The following WFDC8 variants were observed in gnomAD, a reference collection of about 807,000 sequenced individuals.
The protein encoded by WFDC8 is WAP four-disulfide core domain protein 8.
WFDC8 carries 24 observed loss-of-function variants against 27.0 expected under a neutral mutation model. The observed-to-expected ratio is 0.89, with a 90% CI of 0.64 to 1.25. The LOEUF (loss-of-function observed/expected upper bound fraction) is 1.25. Ranked by LOEUF, WFDC8 falls within the 50% of genes most tolerant of loss-of-function variation. The pLI, the probability that WFDC8 is intolerant of heterozygous loss-of-function variation, is 0.00. For synonymous variants in WFDC8, 106 were observed against 99.7 expected (o/e 1.06, Z -0.38); for missense variants, 287 against 295.9 (o/e 0.97, Z 0.22).
chr20:45,561,697 C>T (rs920649016), intron 2 of WFDC8, among the ~76,000 whole-genome samples: 2 of 151,924 alleles, frequency 1.3e-5, no homozygotes, highest in South Asian at 2.1e-4. Flanking sequence ...TCCCCTCAGG[C>T]TCATGCCTAG....
chr20:45,563,705 C>T (rs1210310895), intron 1 of WFDC8, among the ~76,000 whole-genome samples: 1 of 152,194 alleles, frequency 6.6e-6, no homozygotes, highest in Non-Finnish European at 1.5e-5. Flanking sequence ...TAAATCATTC[C>T]TTTAGTTCCC....
intron 1 of WFDC8, among the ~76,000 whole-genome samples, chr20:45,565,842 T>G (rs961797613): frequency 6.6e-6 from 1 of 152,146 alleles, no homozygotes; most frequent in Non-Finnish European, 1.5e-5. Context: ...GAGAAATGAG[T>G]TTGACTGATT....
rs73288293 is a variant in WFDC8, at chr20:45,558,729, G to A, written c.277+123C>T. ...GACTTGTACTTGAGGGTTAGGCATT[G>A]AATAACAGAATGAGAAGAGCACAGG... On this transcript the variant is annotated intron_variant, in intron 3 of 5. Transcript: ENST00000289953. 6,846 of 1,231,028 alleles carry A rather than the reference G, an allele frequency of 5.6e-3. 311 individuals are homozygous for A. In the African/African-American group the frequency reaches 0.092, roughly 17 times the overall value. The allele number at this position is 1,231,028 out of a possible 1,614,324, so 76.3% of individuals were successfully genotyped here.
Position 45,553,219 on chromosome 20 carries a change from G to C in WFDC8, c.503C>G (p.Ser168Ter). Residue 168 changes from serine to a stop codon, truncating the protein, a stop_gained, in exon 5 of 6, where the codon TCA becomes TGA. Coordinates refer to ENST00000289953, the MANE Select transcript of WFDC8 (RefSeq NM_130896.3). LOFTEE classifies it high-confidence loss of function. ...GGGACAATCGATGTCACTGTGACATGAAGGTGGACACTCCTTACGTTCAGT... is the reference window on the plus strand; with the variant it reads ...GGGACAATCGATGTCACTGTGACATCAAGGTGGACACTCCTTACGTTCAGT... ...PFTERKECPPSCHSDIDCPQT... is the reference protein window; with the variant it reads ...PFTERKECPP 1 of 1,613,900 alleles carries C rather than the reference G, an allele frequency of 6.2e-7. No individual in the cohort carries two copies. Among genetic ancestry groups the C allele is most frequent in the Non-Finnish European group, 8.5e-7 (1 of 1,179,806 alleles).
chr20:45,563,190 C>A (rs947541477), intron 1 of WFDC8, among the ~76,000 whole-genome samples: 1 of 152,160 alleles, frequency 6.6e-6, no homozygotes, highest in Non-Finnish European at 1.5e-5. Flanking sequence ...AGTGCCTATA[C>A]TCTCTGGTCA....
chr20:45,574,051 A>T (rs1471349841), intron 1 of WFDC8, among the ~76,000 whole-genome samples: 1 of 152,218 alleles, frequency 6.6e-6, no homozygotes, highest in Non-Finnish European at 1.5e-5. Flanking sequence ...TTCTATAAGA[A>T]ATGCAACTGG....
chr20:45,561,758 G>C (rs1485477373), intron 2 of WFDC8, among the ~76,000 whole-genome samples: 46 of 151,824 alleles, frequency 3.0e-4, no homozygotes, highest in Non-Finnish European at 5.0e-4. Flanking sequence ...GTGTGTGTGT[G>C]TGTGTGTGTG....
At chr20:45,566,595 T>C (rs1006932035) in intron 1 of WFDC8, among the ~76,000 whole-genome samples, 9 of 151,978 alleles carry the variant, frequency 5.9e-5, no homozygotes, top group African/African-American at 1.7e-4. Context: ...CTTGGGAGGC[T>C]GAGGTTGCAG....
At position 45,564,948 on chromosome 20, in the gene WFDC8, A is replaced by AGAAGGAAG. The variant is rs199524356; in HGVS notation, c.27-2737_27-2730dup. Among the ~76,000 whole-genome samples the AGAAGGAAG allele has an allele frequency of 2.9e-3, 418 of 143,766 alleles. 5 individuals are homozygous for AGAAGGAAG. In the East Asian group the frequency reaches 0.04, roughly 14 times the overall value. The allele number at this position is 143,766 out of a possible 152,430, so 94.3% of individuals were successfully genotyped here. A position where few individuals can be genotyped will look rare whatever the true frequency, so the allele number is the denominator to read the frequency against. On this transcript the variant is annotated intron_variant, in intron 1 of 5. Transcript: ENST00000289953. ...AGAGTGAAAGAAAGGAAAGAAAGAA[A>AGAAGGAAG]GAAGGAAGGAAGGAAGGAAAGAAAG... is the stretch of plus-strand genomic sequence containing the variant.
intron 1 of WFDC8, among the ~76,000 whole-genome samples, chr20:45,574,112 A>G (rs1168964751): frequency 1.3e-5 from 2 of 152,230 alleles, no homozygotes; most frequent in African/African-American, 4.8e-5. Context: ...AATAACCTGG[A>G]AGAAATTGAG....
chr20:45,574,058 C>T (rs6032339), intron 1 of WFDC8, among the ~76,000 whole-genome samples: 58,771 of 151,900 alleles, frequency 0.39, 11,841 homozygotes, highest in Non-Finnish European at 0.43. Context: ...AGAAATGCAA[C>T]TGGAATTTTG....
intron 4 of WFDC8, 59 bp from the exon 5 acceptor site, chr20:45,553,335 A>G: frequency 6.4e-7 from 1 of 1,564,164 alleles, no homozygotes; most frequent in South Asian, 1.2e-5. Context: ...CCACCCTTCA[A>G]AGAGCCTTTC....
chr20:45,555,904 A>G (rs1335763894), intron 3 of WFDC8, 36 bp from the exon 4 acceptor site: 1 of 1,599,374 alleles, frequency 6.3e-7, no homozygotes, highest in African/African-American at 1.3e-5. Flanking sequence ...GGATATGAAG[A>G]GTAGAGATAA....
At chr20:45,577,476 G>C (rs1981084091) in intron 1 of WFDC8, among the ~76,000 whole-genome samples, 1 of 149,658 alleles carries the variant, frequency 6.7e-6, no homozygotes, top group Admixed American at 6.6e-5. Context: ...TCGGCTCGCT[G>C]CAACCTCCGC....
chr20:45,560,035 G>T (rs1156725733), intron 2 of WFDC8, among the ~76,000 whole-genome samples: 1 of 152,160 alleles, frequency 6.6e-6, no homozygotes, highest in African/African-American at 2.4e-5. Flanking sequence ...AAAGACCCAA[G>T]TTAGTTGACT....
rs118187173 is a variant in WFDC8 at position 45,553,258 on chromosome 20, G to A, written c.464C>T (p.Pro155Leu). The A allele has an allele frequency of 1.2e-6, 2 of 1,613,612 alleles. No individual in the cohort carries two copies. The highest frequency in any genetic ancestry group is 2.2e-5 in the South Asian group (2 of 91,020). Residue 155 changes from proline (P) to leucine (L), a missense_variant, in exon 5 of 6, where the codon CCA (proline) becomes CTA (leucine). Coordinates refer to ENST00000289953, the MANE Select transcript of WFDC8 (RefSeq NM_130896.3). Reference sequence around the variant, plus strand: ...CTTACGTTCAGTGAAAGGGAAGAGTGGGCATTGTCCATCCTTAACTAAAAT... The same window carrying A: ...CTTACGTTCAGTGAAAGGGAAGAGTAGGCATTGTCCATCCTTAACTAAAAT... ...CMLIVKDGQCPLFPFTERKEC... is the reference protein window; with the variant it reads ...CMLIVKDGQCLLFPFTERKEC...
At chr20:45,552,633 A>C (rs1980080757) in intron 5 of WFDC8, among the ~76,000 whole-genome samples, 3 of 152,290 alleles carry the variant, frequency 2.0e-5, no homozygotes, top group East Asian at 3.9e-4. Context: ...CCTTAAAGCC[A>C]CACCTGGACA....
At chr20:45,553,093 G>T in intron 5 of WFDC8, 43 bp downstream of exon 5, 1 of 1,583,930 alleles carries the variant, frequency 6.3e-7, no homozygotes, top group Non-Finnish European at 8.6e-7. Context: ...GACATCCTTG[G>T]CACATGCCCA....
intron 2 of WFDC8, among the ~76,000 whole-genome samples, chr20:45,561,555 G>T (rs1980468427): frequency 6.6e-6 from 1 of 151,994 alleles, no homozygotes; most frequent in Non-Finnish European, 1.5e-5. Context: ...ATGGACTTGG[G>T]TCAATTCTGT....
Sources: gnomAD v4.1 joint callset for allele counts (sites outside exome capture counted in the v4.1 genomes callset) on GRCh38, gnomAD v4.1.1 for gene constraint, MANE v1.5 for transcripts, NCBI Gene and HGNC (gene_info 2026-07-23, HGNC 2026-07-21) for gene names.